PIK3C2A: variants seen among roughly 807,000 people sequenced by gnomAD.
PIK3C2A encodes phosphatidylinositol 4-phosphate 3-kinase C2 domain-containing subunit alpha.
A neutral mutation model predicts 204.5 loss-of-function variants in PIK3C2A; 97 were observed. The observed-to-expected ratio is 0.47, with a 90% CI of 0.40 to 0.56. The LOEUF is 0.56. Ranked by LOEUF, PIK3C2A falls within the 20% of genes least tolerant of loss-of-function variation. The pLI, the probability that PIK3C2A is intolerant of heterozygous loss-of-function variation, is 0.00. For synonymous variants in PIK3C2A, 653 were observed against 664.4 expected (o/e 0.98, Z 0.26); for missense variants, 1,735 against 1,969.2 (o/e 0.88, Z 2.25).
At chr11:17,097,431 A>C (rs1848485844) in intron 26 of PIK3C2A, among the ~76,000 whole-genome samples, 167 bp from the exon 27 acceptor site, 1 of 152,236 alleles carries the variant, frequency 6.6e-6, no homozygotes, top group Admixed American at 6.5e-5. Flanking sequence ...GTTAAAACAC[A>C]TCTCACCCCA....
intron 30 of PIK3C2A, 135 bp from the exon 31 acceptor site, chr11:17,091,791 G>C (rs1848317887): frequency 3.0e-6 from 2 of 670,016 alleles, no homozygotes; most frequent in Non-Finnish European, 5.1e-6. Context: ...TAAACAACCT[G>C]ATAGGTCATT....
At chr11:17,181,595 C>T (rs1851554539) in intron 1 of PIK3C2A, among the ~76,000 whole-genome samples, 1 of 119,976 alleles carries the variant, frequency 8.3e-6, no homozygotes, top group Non-Finnish European at 1.7e-5. Context: ...GGTGAGATCC[C>T]ATTTTTAAAT....
intron 1 of PIK3C2A, among the ~76,000 whole-genome samples, chr11:17,171,661 C>T (rs1271427230): frequency 2.0e-5 from 3 of 152,180 alleles, no homozygotes; most frequent in Non-Finnish European, 4.4e-5. Context: ...TTAAAATATA[C>T]ACACTTTACT....
intron 1 of PIK3C2A, among the ~76,000 whole-genome samples, chr11:17,185,124 T>TTGTA (rs1851710071): frequency 6.6e-6 from 1 of 152,186 alleles, no homozygotes; most frequent in Admixed American, 6.6e-5. Flanking sequence ...TCACTCATAC[T>TTGTA]TAAGTGCCCT....
chr11:17,166,820 C>G (rs769374140), intron 2 of PIK3C2A, among the ~76,000 whole-genome samples: 1 of 152,172 alleles, frequency 6.6e-6, no homozygotes, highest in African/African-American at 2.4e-5. Flanking sequence ...AGGCACTAAA[C>G]ACAGAATTCA....
At chr11:17,122,950 A>C (rs1849410641) in intron 13 of PIK3C2A, 137 bp from the exon 14 acceptor site, 2 of 559,026 alleles carry the variant, frequency 3.6e-6, no homozygotes, top group Admixed American at 3.5e-5. Context: ...TATCAGAAGG[A>C]TTCACTCTCC....
chr11:17,102,406 C>A (rs1444367493), intron 24 of PIK3C2A, among the ~76,000 whole-genome samples: 4 of 152,220 alleles, frequency 2.6e-5, no homozygotes, highest in African/African-American at 9.6e-5. Flanking sequence ...CACTGCACTC[C>A]AGCCTGGGCG....
chr11:17,098,144 A>C (rs1848507436), intron 26 of PIK3C2A, among the ~76,000 whole-genome samples: 3 of 152,200 alleles, frequency 2.0e-5, no homozygotes, highest in Admixed American at 1.3e-4. Flanking sequence ...TAGAAAGAAG[A>C]AGGATATTCA....
At chr11:17,171,826 G>A (rs1851175639) in intron 1 of PIK3C2A, among the ~76,000 whole-genome samples, 1 of 152,108 alleles carries the variant, frequency 6.6e-6, no homozygotes, top group Non-Finnish European at 1.5e-5. Flanking sequence ...ACCCAGGCTG[G>A]TCTTGAACTC....
chr11:17,096,434 T>C (rs983778217), intron 27 of PIK3C2A, among the ~76,000 whole-genome samples: 26 of 152,184 alleles, frequency 1.7e-4, no homozygotes, highest in Non-Finnish European at 4.4e-5. Context: ...TTTGGGGATA[T>C]ATATATAAAC....
At chr11:17,111,048 T>C (rs1453324276) in intron 21 of PIK3C2A, among the ~76,000 whole-genome samples, 1 of 151,912 alleles carries the variant, frequency 6.6e-6, no homozygotes, top group East Asian at 1.9e-4. Context: ...GCTGGGATTA[T>C]AGGTGCCTGC....
At chr11:17,114,814 A>G (rs951067226) in intron 19 of PIK3C2A, among the ~76,000 whole-genome samples, 8 of 152,230 alleles carry the variant, frequency 5.3e-5, no homozygotes, top group African/African-American at 1.9e-4. Context: ...TGGTAGGGAG[A>G]GAGGTGTACA....
intron 21 of PIK3C2A, among the ~76,000 whole-genome samples, chr11:17,111,549 T>C (rs185139781): frequency 7.9e-5 from 12 of 151,810 alleles, no homozygotes; most frequent in African/African-American, 2.7e-4. Context: ...CCAAGAAAAT[T>C]ATGGAAAAGA....
At chr11:17,202,553 G>A (rs553256333) in intron 1 of PIK3C2A, among the ~76,000 whole-genome samples, 10 of 151,774 alleles carry the variant, frequency 6.6e-5, no homozygotes, top group African/African-American at 2.2e-4. Flanking sequence ...CAGCCTGAGC[G>A]ACACAGAGAG....
At chr11:17,099,001 T>G (rs1415647278) in intron 26 of PIK3C2A, among the ~76,000 whole-genome samples, 2 of 152,200 alleles carry the variant, frequency 1.3e-5, no homozygotes, top group Admixed American at 1.3e-4. Flanking sequence ...GTTCAAGCGA[T>G]TCTCCTGTCT....
intron 22 of PIK3C2A, among the ~76,000 whole-genome samples, chr11:17,108,957 G>A (rs890013893): frequency 6.6e-6 from 1 of 152,152 alleles, no homozygotes; most frequent in African/African-American, 2.4e-5. Flanking sequence ...TCTCTGAACA[G>A]AACTGGAACC....
intron 1 of PIK3C2A, among the ~76,000 whole-genome samples, chr11:17,189,946 C>T (rs191767732): frequency 6.7e-6 from 1 of 149,662 alleles, no homozygotes; most frequent in Non-Finnish European, 1.5e-5. Flanking sequence ...CTCAAAGATG[C>T]CCCAAATGTT....
At chr11:17,095,702 G>A (rs1051102671) in intron 27 of PIK3C2A, among the ~76,000 whole-genome samples, 5 of 151,852 alleles carry the variant, frequency 3.3e-5, no homozygotes, top group African/African-American at 1.2e-4. Context: ...TTGGGGCCAG[G>A]AATTCGCCTG....
At chr11:17,114,207 T>C (rs1185354107) in intron 20 of PIK3C2A, among the ~76,000 whole-genome samples, 154 bp downstream of exon 20, 1 of 152,018 alleles carries the variant, frequency 6.6e-6, no homozygotes, top group Non-Finnish European at 1.5e-5. Context: ...TAAAAAAATA[T>C]GCTAAGATAA....
Sources: allele counts gnomAD v4.1 joint callset (sites outside exome capture counted in the v4.1 genomes callset), GRCh38; gene constraint gnomAD v4.1.1; transcripts MANE v1.5; gene names NCBI Gene and HGNC (gene_info 2026-07-23, HGNC 2026-07-21).